SUFU: variants seen among roughly 807,000 people sequenced by gnomAD.
SUFU encodes the protein SUFU negative regulator of hedgehog signaling, also known as suppressor of fused homolog.
A neutral mutation model predicts 58.9 loss-of-function variants in SUFU; 7 were observed. That is an observed-to-expected ratio of 0.12 (90% CI 0.07 to 0.22). SUFU has a LOEUF of 0.22. SUFU is among the 10% of genes least tolerant of loss of function. The pLI, the probability that SUFU is intolerant of heterozygous loss-of-function variation, is 1.00. For synonymous variants in SUFU, 232 were observed against 254.8 expected (o/e 0.91, Z 0.85); for missense variants, 451 against 641.3 (o/e 0.70, Z 3.20).
intron 8 of SUFU, among the ~76,000 whole-genome samples, chr10:102,612,769 C>T (rs957480648): frequency 6.6e-6 from 1 of 152,174 alleles, no homozygotes; most frequent in Non-Finnish European, 1.5e-5. Flanking sequence ...ACCCCCTGGT[C>T]CTTTCGCTTA....
intron 6 of SUFU, among the ~76,000 whole-genome samples, chr10:102,594,990 G>C (rs1286485490): frequency 6.6e-6 from 1 of 152,202 alleles, no homozygotes; most frequent in Non-Finnish European, 1.5e-5. Context: ...AAAGTGCTGG[G>C]ATTACAGGTT....
chr10:102,577,297 T>C (rs998799687), intron 3 of SUFU, among the ~76,000 whole-genome samples: 6 of 152,054 alleles, frequency 3.9e-5, no homozygotes, highest in African/African-American at 1.4e-4. Flanking sequence ...TTGGCCAGGC[T>C]AGTCTTGGAT....
intron 3 of SUFU, among the ~76,000 whole-genome samples, chr10:102,585,272 A>T (rs1013746555): frequency 1.3e-5 from 2 of 152,152 alleles, no homozygotes; most frequent in Non-Finnish European, 2.9e-5. Context: ...CCACTAATCT[A>T]CTATCTGTTT....
intron 8 of SUFU, among the ~76,000 whole-genome samples, chr10:102,603,141 TG>T (rs2063529824): frequency 6.6e-6 from 1 of 152,094 alleles, no homozygotes; most frequent in African/African-American, 2.4e-5. Flanking sequence ...TCAGGTGAAT[TG>T]TGTGTAGAGG....
At chr10:102,602,893 G>T (rs567031682) in intron 8 of SUFU, among the ~76,000 whole-genome samples, 11 of 152,248 alleles carry the variant, frequency 7.2e-5, no homozygotes, top group African/African-American at 2.2e-4. Context: ...GTTGAGAAAA[G>T]CCTCCTTCAG....
At chr10:102,580,079 A>G (rs2063260426) in intron 3 of SUFU, among the ~76,000 whole-genome samples, 1 of 130,902 alleles carries the variant, frequency 7.6e-6, no homozygotes, top group South Asian at 2.4e-4. Flanking sequence ...TCTTTCTTAA[A>G]GAGAGTTTCT....
chr10:102,562,483 G>T (rs995250142), intron 3 of SUFU, among the ~76,000 whole-genome samples: 2 of 151,044 alleles, frequency 1.3e-5, no homozygotes, highest in African/African-American at 2.4e-5. Context: ...AGATCGCGCC[G>T]CTACAGTCTA....
At chr10:102,610,397 A>AAAAAAAG (rs933376970) in intron 8 of SUFU, among the ~76,000 whole-genome samples, 2 of 151,636 alleles carry the variant, frequency 1.3e-5, no homozygotes, top group Non-Finnish European at 2.9e-5. Flanking sequence ...TGTCTCAAAA[A>AAAAAAAG]AAAAAAGAAA....
chr10:102,505,744 G>T (rs1238737611), intron 1 of SUFU, among the ~76,000 whole-genome samples: 1 of 152,204 alleles, frequency 6.6e-6, no homozygotes, highest in Non-Finnish European at 1.5e-5. Flanking sequence ...GGTGGAACTG[G>T]TGTCGCAGTC....
intron 8 of SUFU, among the ~76,000 whole-genome samples, chr10:102,604,548 C>G (rs771209130): frequency 4.6e-5 from 7 of 152,140 alleles, no homozygotes; most frequent in Non-Finnish European, 8.8e-5. Context: ...GTATTTTTAT[C>G]GCCCATCCTT....
rs567932691 is a variant in SUFU at position 102,630,902 on chromosome 10, G to A, written c.*747G>A. 2.8e-4 allele frequency: 67 copies of A among 235,474 alleles called. No homozygotes were observed. The highest frequency in any genetic ancestry group is 1.5e-3 in the African/African-American group (66 of 45,478). The allele number at this position is 235,474 out of a possible 1,614,324, so 14.6% of individuals were successfully genotyped here. On this transcript the variant is annotated 3_prime_UTR_variant, in exon 12 of 12. Coordinates refer to ENST00000369902, the MANE Select transcript of SUFU (RefSeq NM_016169.4). ...TTTCTTCCCAGCTGGGCCTGGTGGAGCCCGGGGCAGGGGGAGAGTAGAGAC... is the reference window on the plus strand; with the variant it reads ...TTTCTTCCCAGCTGGGCCTGGTGGAACCCGGGGCAGGGGGAGAGTAGAGAC...
At chr10:102,570,896 C>T (rs574143866) in intron 3 of SUFU, among the ~76,000 whole-genome samples, 1 of 152,150 alleles carries the variant, frequency 6.6e-6, no homozygotes, top group East Asian at 1.9e-4. Flanking sequence ...TTCCAGTGGT[C>T]AGATCTTTCA....
At chr10:102,533,565 C>G (rs964005470) in intron 2 of SUFU, among the ~76,000 whole-genome samples, 1 of 152,124 alleles carries the variant, frequency 6.6e-6, no homozygotes, top group Non-Finnish European at 1.5e-5. Flanking sequence ...CAGAGCAAGA[C>G]CCTGTCTTGA....
chr10:102,566,145 A>G (rs145784501), intron 3 of SUFU, among the ~76,000 whole-genome samples: 20 of 152,362 alleles, frequency 1.3e-4, no homozygotes, highest in Non-Finnish European at 2.6e-4. Flanking sequence ...CTGGAAAAGA[A>G]CATGGCTGAG....
At chr10:102,604,010 T>C (rs2063539040) in intron 8 of SUFU, among the ~76,000 whole-genome samples, 1 of 152,254 alleles carries the variant, frequency 6.6e-6, no homozygotes, top group Non-Finnish European at 1.5e-5. Flanking sequence ...GGGCTGTGGC[T>C]GGTGCCGCTC....
intron 3 of SUFU, among the ~76,000 whole-genome samples, chr10:102,567,006 CTT>C (rs1175563323): frequency 6.2e-5 from 4 of 64,668 alleles, no homozygotes; most frequent in Non-Finnish European, 1.0e-4. Context: ...GAAACAGGCT[CTT>C]TTTTTTTTTT....
chr10:102,597,217 G>A lies in SUFU; in HGVS notation c.834G>A (p.Leu278=). 6.2e-7 allele frequency: 1 copy of A among 1,614,020 alleles called. No individual in the cohort carries two copies. The highest frequency in any genetic ancestry group is 8.5e-7 in the Non-Finnish European group (1 of 1,180,012). Reference sequence around the variant, plus strand: ...GTGCCAAGTGTGCCTGGGATGACCTGAGCCGGCCCCCCGAGGATGACGAGG... The same window carrying A: ...GTGCCAAGTGTGCCTGGGATGACCTAAGCCGGCCCCCCGAGGATGACGAGG... ...GVSAKCAWDD[L]SRPPEDDEDS... The change falls in exon 7 of 12, where the codon CTG becomes CTA. Residue 278 remains leucine (L), a synonymous_variant. Coordinates refer to ENST00000369902, the MANE Select transcript of SUFU (RefSeq NM_016169.4).
intron 8 of SUFU, among the ~76,000 whole-genome samples, chr10:102,611,821 C>T (rs568416531): frequency 2.0e-5 from 3 of 152,326 alleles, no homozygotes; most frequent in South Asian, 2.1e-4. Context: ...GAACCCAGAA[C>T]TTAAGCTGTT....
intron 8 of SUFU, among the ~76,000 whole-genome samples, chr10:102,605,001 G>A (rs894543985): frequency 6.8e-5 from 10 of 146,338 alleles, no homozygotes; most frequent in Admixed American, 5.6e-4. Context: ...GCACAATCTC[G>A]GCTTACTGCA....
Sources: gnomAD v4.1 joint callset for allele counts (sites outside exome capture counted in the v4.1 genomes callset) on GRCh38, gnomAD v4.1.1 for gene constraint, MANE v1.5 for transcripts, NCBI Gene and HGNC (gene_info 2026-07-23, HGNC 2026-07-21) for gene names.